Variants in FGF12 observed in about 807,000 individuals in gnomAD.
The protein encoded by FGF12 is fibroblast growth factor 12B.
In FGF12, 14 loss-of-function variants were observed where a neutral mutation model predicts 23.6. The observed-to-expected ratio is 0.59, with a 90% CI of 0.39 to 0.93. The LOEUF is 0.93. FGF12 is among the 40% of genes least tolerant of loss of function. FGF12 has a pLI of 0.00. For missense variants in FGF12, 175 were observed against 217.8 expected (o/e 0.80, Z 1.24); for synonymous variants, 62 against 77.3 (o/e 0.80, Z 1.04).
Position 192,464,499 on chromosome 3 carries a change from GGTGTGTGTGTGTGTGTGTGTGT to G in FGF12, c.14-103983_14-103962del, listed in dbSNP as rs34803297. Among the ~76,000 whole-genome samples, 19 of 132,676 alleles carry G rather than the reference GGTGTGTGTGTGTGTGTGTGTGT, an allele frequency of 1.4e-4. No homozygotes were observed. In the East Asian group the frequency reaches 3.6e-3, roughly 25 times the overall value. The allele number at this position is 132,676 out of a possible 152,430, so 87.0% of individuals were successfully genotyped here. A position where few individuals can be genotyped will look rare whatever the true frequency, so the allele number is the denominator to read the frequency against. Reference sequence around the variant, plus strand: ...TTTTTAGGGCTGAGTAGTATTCCATGGTGTGTGTGTGTGTGTGTGTGTGTGTGTGTGTGTGTGTGTGTGTGTA... The same window carrying G: ...TTTTTAGGGCTGAGTAGTATTCCATGGTGTGTGTGTGTGTGTGTGTGTGTA... On this transcript the variant is annotated intron_variant, in intron 2 of 5. Coordinates refer to ENST00000445105, the MANE Select transcript of FGF12 (RefSeq NM_004113.6).
At position 192,514,592 on chromosome 3, in the gene FGF12, G is replaced by A. The variant is rs1388259003; in HGVS notation, c.14-154054C>T. ...AGCGCTGAATGAAGCAGAGGAGGGC[G>A]GCGGAGAGGGCCCCGGAAGAAGGGA... On this transcript the variant is annotated intron_variant, in intron 2 of 5. Coordinates refer to ENST00000445105, the MANE Select transcript of FGF12 (RefSeq NM_004113.6). The surrounding 1 kb of genome is among the most constrained non-coding windows in gnomAD (Gnocchi z 4.9). 2 of 666,642 alleles carry A rather than the reference G, an allele frequency of 3.0e-6. No homozygotes were observed. Among genetic ancestry groups the A allele is most frequent in the Non-Finnish European group, 3.7e-6 (2 of 538,700 alleles). 41.3% of individuals were successfully genotyped at this position (666,642 alleles called of 1,614,324 possible). A position where few individuals can be genotyped will look rare whatever the true frequency, so the allele number is the denominator to read the frequency against.
chr3:192,207,359 G>A (rs1379843636), intron 4 of FGF12, among the ~76,000 whole-genome samples: 1 of 152,206 alleles, frequency 6.6e-6, no homozygotes, highest in African/African-American at 2.4e-5. Flanking sequence ...TCTCTCAGAT[G>A]TGAGCAGATT....
intron 2 of FGF12, among the ~76,000 whole-genome samples, chr3:192,637,939 A>G (rs993236821): frequency 1.3e-5 from 2 of 152,214 alleles, no homozygotes; most frequent in Non-Finnish European, 2.9e-5. Flanking sequence ...AAACTTGCTA[A>G]GAAGGGGAAA....
intron 4 of FGF12, among the ~76,000 whole-genome samples, chr3:192,269,551 T>C (rs1031334007): frequency 2.0e-5 from 3 of 152,186 alleles, no homozygotes; most frequent in Admixed American, 6.5e-5. Context: ...AATATTACTG[T>C]TAGGCTTAAT....
At chr3:192,182,073 G>GA (rs1432190241) in intron 4 of FGF12, among the ~76,000 whole-genome samples, 14 of 151,974 alleles carry the variant, frequency 9.2e-5, no homozygotes, top group Non-Finnish European at 2.1e-4. Flanking sequence ...ATATTTGAGG[G>GA]AAAATATTAC....
At chr3:192,695,617 AG>A (rs1440427974) in intron 2 of FGF12, among the ~76,000 whole-genome samples, 1 of 152,206 alleles carries the variant, frequency 6.6e-6, no homozygotes, top group Non-Finnish European at 1.5e-5. Flanking sequence ...GAGATCAGTG[AG>A]CTTTACTTAC....
At chr3:192,614,317 T>A (rs1714667371) in intron 2 of FGF12, among the ~76,000 whole-genome samples, 1 of 151,970 alleles carries the variant, frequency 6.6e-6, no homozygotes, top group Admixed American at 6.6e-5. Context: ...TCTGCCCTTG[T>A]ATTTCTACAT....
chr3:192,298,679 G>A (rs1715175415), intron 4 of FGF12, among the ~76,000 whole-genome samples: 1 of 152,290 alleles, frequency 6.6e-6, no homozygotes, highest in African/African-American at 2.4e-5. Context: ...CCCAGGAGGT[G>A]GAGGTTGCAG....
chr3:192,285,354 C>T (rs1488569679), intron 4 of FGF12, among the ~76,000 whole-genome samples: 2 of 152,046 alleles, frequency 1.3e-5, no homozygotes, highest in African/African-American at 4.8e-5. Flanking sequence ...AAACCTTATG[C>T]TCTTTTCACT....
intron 2 of FGF12, among the ~76,000 whole-genome samples, chr3:192,495,173 T>C (rs1383035075): frequency 2.0e-5 from 3 of 152,136 alleles, no homozygotes; most frequent in Non-Finnish European, 4.4e-5. Context: ...ACACATTTTC[T>C]ACAGTCTCAT....
intron 2 of FGF12, among the ~76,000 whole-genome samples, chr3:192,365,333 T>C (rs756377707): frequency 6.8e-6 from 1 of 146,304 alleles, no homozygotes; most frequent in Non-Finnish European, 1.5e-5. Context: ...ATAAAAGGAG[T>C]CTAAAAAGAC....
intron 2 of FGF12, among the ~76,000 whole-genome samples, chr3:192,552,920 A>T (rs115402084): frequency 6.6e-6 from 1 of 150,798 alleles, no homozygotes; most frequent in Non-Finnish European, 1.5e-5. Context: ...AACATAAACC[A>T]AAAAAAAAGA....
At chr3:192,659,195 T>C (rs1274503205) in intron 2 of FGF12, among the ~76,000 whole-genome samples, 1 of 152,196 alleles carries the variant, frequency 6.6e-6, no homozygotes, top group Non-Finnish European at 1.5e-5. Context: ...AGCAATACAT[T>C]AGTGTGACAT....
intron 2 of FGF12, among the ~76,000 whole-genome samples, chr3:192,465,867 C>T (rs972172559): frequency 1.3e-5 from 2 of 152,134 alleles, no homozygotes; most frequent in Non-Finnish European, 2.9e-5. Flanking sequence ...CAGAAGCCTC[C>T]GCATGAATCT....
intron 2 of FGF12, among the ~76,000 whole-genome samples, chr3:192,620,954 A>G (rs980890161): frequency 6.6e-6 from 1 of 152,168 alleles, no homozygotes. Flanking sequence ...AAGTTGGAGA[A>G]TTAACTCCCA....
chr3:192,584,067 A>G (rs1216803820), intron 2 of FGF12, among the ~76,000 whole-genome samples: 1 of 152,218 alleles, frequency 6.6e-6, no homozygotes, highest in Non-Finnish European at 1.5e-5. Context: ...GGAGCCATTT[A>G]AGAGACGTGG....
intron 4 of FGF12, among the ~76,000 whole-genome samples, chr3:192,305,485 C>G (rs540539161): frequency 1.3e-5 from 2 of 151,920 alleles, no homozygotes; most frequent in African/African-American, 2.4e-5. Context: ...TCAGTTTGCT[C>G]GAGTCCCCAG....
chr3:192,323,241 G>T (rs1716641036), intron 4 of FGF12, among the ~76,000 whole-genome samples: 1 of 152,012 alleles, frequency 6.6e-6, no homozygotes, highest in African/African-American at 2.4e-5. Flanking sequence ...AAGGAAATAG[G>T]TATATCAAAG....
chr3:192,304,582 C>A (rs1415910908), intron 4 of FGF12, among the ~76,000 whole-genome samples: 2 of 152,142 alleles, frequency 1.3e-5, no homozygotes, highest in East Asian at 1.9e-4. Context: ...CTCAACTCCA[C>A]TTGCTTGCGG....
Sources: gnomAD v4.1 joint callset for allele counts (sites outside exome capture counted in the v4.1 genomes callset) on GRCh38, gnomAD v4.1.1 for gene constraint, Gnocchi (gnomAD v3.1) non-coding constraint, MANE v1.5 for transcripts, NCBI Gene and HGNC (gene_info 2026-07-23, HGNC 2026-07-21) for gene names.